The following SH2B3 variants were observed in gnomAD, a reference collection of about 807,000 sequenced individuals.
SH2B3 encodes the protein SH2B adapter protein 3.
In SH2B3, 43 loss-of-function variants were observed where a neutral mutation model predicts 51.9. The observed-to-expected ratio is 0.83, with a 90% CI of 0.65 to 1.07. SH2B3 has a LOEUF of 1.07. Among genes scored for constraint, SH2B3 ranks in the 50% least tolerant of loss-of-function variants. The probability of loss-of-function intolerance (pLI) is 0.00; values close to 1 mark genes in which losing one functional copy is unlikely to be tolerated. For missense variants in SH2B3, 952 were observed against 834.3 expected (o/e 1.14, Z -1.74); for synonymous variants, 396 against 376.0 (o/e 1.05, Z -0.62).
chr12:111,419,173 C>A (rs900997530), intron 2 of SH2B3, among the ~76,000 whole-genome samples: 2 of 151,772 alleles, frequency 1.3e-5, no homozygotes, highest in Admixed American at 1.3e-4. Context: ...TGTGGTGGTA[C>A]GTGCCTGTGG....
intron 1 of SH2B3, among the ~76,000 whole-genome samples, chr12:111,412,596 G>T (rs187753936): frequency 1.8e-3 from 277 of 152,144 alleles, no homozygotes; most frequent in Non-Finnish European, 3.4e-3. Flanking sequence ...TAGAGATATG[G>T]TCTGCTTCTG....
intron 2 of SH2B3, among the ~76,000 whole-genome samples, chr12:111,430,457 C>A (rs1473653540): frequency 6.6e-6 from 1 of 152,198 alleles, no homozygotes; most frequent in Non-Finnish European, 1.5e-5. Flanking sequence ...CCCACCCCGT[C>A]CTGCTTACCA....
At chr12:111,431,347 G>A (rs1031993468) in intron 2 of SH2B3, among the ~76,000 whole-genome samples, 2 of 152,172 alleles carry the variant, frequency 1.3e-5, no homozygotes, top group Non-Finnish European at 2.9e-5. Flanking sequence ...CACCTGGAAG[G>A]GGGCCCTGCC....
intron 2 of SH2B3, among the ~76,000 whole-genome samples, chr12:111,428,975 T>G (rs1271235979): frequency 3.4e-5 from 5 of 145,176 alleles, no homozygotes; most frequent in Non-Finnish European, 7.5e-5. Context: ...GAAAGGGACG[T>G]CCGCCGGAGG....
Position 111,447,146 on chromosome 12 carries a change from G to C in SH2B3, c.948G>C (p.Glu316Asp). The change falls in exon 5 of 8, where the codon GAG (glutamate) becomes GAC (aspartate). Residue 316 changes from glutamate to aspartate, a missense_variant. Glu to Asp is a conservative substitution (Grantham distance 45). Coordinates refer to ENST00000341259, the MANE Select transcript of SH2B3 (RefSeq NM_005475.3). ...TGRGLESTEA[E>D]MHIPSALEPS... ...GCAGGCTGGAGAGCACAGAAGCAGA[G>C]ATGCATATTCCCTCAGCCCTAGAGC... The C allele has an allele frequency of 6.2e-7, 1 of 1,614,034 alleles. No homozygotes were observed. The highest frequency in any genetic ancestry group is 8.5e-7 in the Non-Finnish European group (1 of 1,179,906).
intron 1 of SH2B3, among the ~76,000 whole-genome samples, chr12:111,414,830 G>A (rs944665158): frequency 6.6e-6 from 1 of 152,120 alleles, no homozygotes; most frequent in Non-Finnish European, 1.5e-5. Flanking sequence ...TTGTAGGTTC[G>A]CATCTCCACC....
chr12:111,417,614 A>G (rs1871186206), intron 1 of SH2B3, among the ~76,000 whole-genome samples: 1 of 151,778 alleles, frequency 6.6e-6, no homozygotes, highest in Non-Finnish European at 1.5e-5. Flanking sequence ...TGCAATGCCA[A>G]CTCATTTTTG....
rs1334287294 is a variant in SH2B3 at position 111,418,621 on chromosome 12, C to T, written c.476C>T (p.Thr159Ile). The T allele has an allele frequency of 2.0e-6, 3 of 1,476,936 alleles. No homozygotes were observed. Among genetic ancestry groups the T allele is most frequent in the African/African-American group, 1.5e-5 (1 of 67,604 alleles). The allele number at this position is 1,476,936 out of a possible 1,614,324, so 91.5% of individuals were successfully genotyped here. The change falls in exon 2 of 8, where the codon ACC becomes ATC. Residue 159 changes from threonine to isoleucine, a missense_variant. By Grantham distance (89) the Thr-to-Ile change is moderately conservative. Transcript: ENST00000341259. The surrounding 1 kb of genome is among the most constrained non-coding windows in gnomAD (Gnocchi z 6.7). ...RSAGELPAAH[T>I]AAAPGTPGEA... Reference sequence around the variant, plus strand: ...GCCGGGGAGCTGCCAGCGGCCCACACCGCTGCCGCCCCCGGGACCCCCGGA... The same window carrying T: ...GCCGGGGAGCTGCCAGCGGCCCACATCGCTGCCGCCCCCGGGACCCCCGGA...
chr12:111,447,044 G>A lies in SH2B3; in HGVS notation c.926+11G>A, dbSNP rs1385685907. On this transcript the variant is annotated intron_variant, in intron 4 of 7. Coordinates refer to ENST00000341259, the MANE Select transcript of SH2B3 (RefSeq NM_005475.3). Reference sequence around the variant, plus strand: ...GTGCACAGGCCGAGGGTGAGGTCCTGGGCCCTCGTCCCTGGCACCACCTTT... The same window carrying A: ...GTGCACAGGCCGAGGGTGAGGTCCTAGGCCCTCGTCCCTGGCACCACCTTT... 2 of 1,610,860 alleles carry A rather than the reference G, an allele frequency of 1.2e-6. No individual in the cohort carries two copies. Among genetic ancestry groups the A allele is most frequent in the African/African-American group, 2.7e-5 (2 of 74,852 alleles).
At chr12:111,421,114 G>A (rs1871517127) in intron 2 of SH2B3, among the ~76,000 whole-genome samples, 1 of 151,894 alleles carries the variant, frequency 6.6e-6, no homozygotes, top group African/African-American at 2.4e-5. Context: ...TCATGTGAAT[G>A]GAATCACACA....
intron 1 of SH2B3, among the ~76,000 whole-genome samples, chr12:111,416,786 G>A (rs568226690): frequency 1.4e-4 from 22 of 152,130 alleles, no homozygotes; most frequent in African/African-American, 2.9e-4. Context: ...GAGCCACCGC[G>A]CGTGGCTGGT....
In SH2B3 at chr12:111,410,718, C is replaced by T. The variant is rs1343337879; in HGVS notation, c.-28+4441C>T. The stretch of plus-strand genomic sequence containing the variant: ...GCCCCGTGGCCTGGGGTAGAACCCA[C>T]CTCTCTGCCTCCCCAGGGACCCTGC... On this transcript the variant is annotated intron_variant, in intron 1 of 7. Transcript: ENST00000341259. The surrounding 1 kb of genome is among the most constrained non-coding windows in gnomAD (Gnocchi z 4.9). Among the ~76,000 whole-genome samples the T allele has an allele frequency of 2.6e-5, 4 of 152,192 alleles. No homozygotes were observed.
chr12:111,419,526 T>C (rs1871369747), intron 2 of SH2B3, among the ~76,000 whole-genome samples: 1 of 151,826 alleles, frequency 6.6e-6, no homozygotes, highest in Non-Finnish European at 1.5e-5. Context: ...TAATCCCGGC[T>C]ACTTGGGAGG....
At position 111,447,682 on chromosome 12, in the gene SH2B3, G is replaced by A. The variant is rs566031811; in HGVS notation, c.1263G>A (p.Arg421=). 3 of 1,613,308 alleles carry A rather than the reference G, an allele frequency of 1.9e-6. No individual in the cohort carries two copies. Among genetic ancestry groups the A allele is most frequent in the Middle Eastern group, 1.7e-4 (1 of 6,060 alleles). Residue 421 remains arginine, a synonymous_variant, in exon 7 of 8, where the codon CGG becomes CGA. Coordinates refer to ENST00000341259, the MANE Select transcript of SH2B3 (RefSeq NM_005475.3). The part of the protein sequence containing the change: ...AKHLRLSLTE[R]GQCRVQHLHF... ...ACCTGCGCCTGTCGCTGACAGAGCG[G>A]GGCCAGTGCCGTGTGCAGCACCTCC...
Position 111,447,178 on chromosome 12 carries a change from C to T in SH2B3, c.980C>T (p.Thr327Met), listed in dbSNP as rs776733533. Residue 327 changes from threonine (T) to methionine (M), a missense_variant, in exon 5 of 8, where the codon ACG becomes ATG. Physicochemically the swap from Thr to Met is moderately conservative, Grantham distance 81. Coordinates refer to ENST00000341259, the MANE Select transcript of SH2B3 (RefSeq NM_005475.3). ...MHIPSALEPSTSSSPRGSTDS... is the reference protein window; with the variant it reads ...MHIPSALEPSMSSSPRGSTDS... The stretch of plus-strand genomic sequence containing the variant: ...ATTCCCTCAGCCCTAGAGCCTAGCA[C>T]GTCCAGCTCCCCAAGGGGCAGCACA... The T allele has an allele frequency of 3.7e-6, 6 of 1,614,032 alleles. No individual in the cohort carries two copies. The highest frequency in any genetic ancestry group is 2.2e-5 in the South Asian group (2 of 91,086).
chr12:111,407,408 A>G lies in SH2B3; in HGVS notation c.-28+1131A>G, dbSNP rs994939034. On this transcript the variant is annotated intron_variant, in intron 1 of 7. Coordinates refer to ENST00000341259, the MANE Select transcript of SH2B3 (RefSeq NM_005475.3). The surrounding 1 kb of genome is among the most constrained non-coding windows in gnomAD (Gnocchi z 4.3). ...TGACAGTTCCCTAACACCGGCTAGCAGCCAGGCCTCAGGGCCCCTGCCAGG... is the reference window on the plus strand; with the variant it reads ...TGACAGTTCCCTAACACCGGCTAGCGGCCAGGCCTCAGGGCCCCTGCCAGG... Among the ~76,000 whole-genome samples, 10 of 152,238 alleles carry G rather than the reference A, an allele frequency of 6.6e-5. No individual in the cohort carries two copies. Among genetic ancestry groups the G allele is most frequent in the African/African-American group, 1.7e-4 (7 of 41,468 alleles).
At chr12:111,441,143 G>A (rs925888748) in intron 2 of SH2B3, among the ~76,000 whole-genome samples, 1 of 150,404 alleles carries the variant, frequency 6.6e-6, no homozygotes, top group African/African-American at 2.5e-5. Context: ...TTGGGAGGCC[G>A]AGGCAGAAGG....
Position 111,435,014 on chromosome 12 carries a change from A to T in SH2B3, c.733-11739A>T. The T allele has an allele frequency of 6.5e-7, 1 of 1,534,412 alleles. No homozygotes were observed. Among genetic ancestry groups the T allele is most frequent in the Non-Finnish European group, 8.7e-7 (1 of 1,145,976 alleles). On this transcript the variant is annotated intron_variant, in intron 2 of 7. Transcript: ENST00000341259. The surrounding 1 kb of genome is among the most constrained non-coding windows in gnomAD (Gnocchi z 4.8). ...TTGCTCTCACCTCTTCTTCTGAATC[A>T]TCGTTCTTCGAAGGCAGGCAGTAGC...
rs1430230269 is a variant in SH2B3, at chr12:111,406,836, G to A, written c.-28+559G>A. On this transcript the variant is annotated intron_variant, in intron 1 of 7. Coordinates refer to ENST00000341259, the MANE Select transcript of SH2B3 (RefSeq NM_005475.3). This position sits in a 1 kb window ranked among gnomAD's most constrained non-coding sequence, Gnocchi z 5.7. ...CCGAGGTCGACCGGGCCAGGCCCCC[G>A]CATGCTGCTGAATTGGGCGGTTCAC... Among the ~76,000 whole-genome samples the A allele has an allele frequency of 2.0e-5, 3 of 152,182 alleles. No homozygotes were observed. Among genetic ancestry groups the A allele is most frequent in the East Asian group, 1.9e-4 (1 of 5,200 alleles).
Sources: allele counts gnomAD v4.1 joint callset (sites outside exome capture counted in the v4.1 genomes callset), GRCh38; gene constraint gnomAD v4.1.1; non-coding constraint Gnocchi (gnomAD v3.1); transcripts MANE v1.5; gene names NCBI Gene and HGNC (gene_info 2026-07-23, HGNC 2026-07-21).